The following DNMT3B variants were observed in gnomAD, a reference collection of about 807,000 sequenced individuals.
The protein encoded by DNMT3B is DNA methyltransferase 3 beta, also known as DNA (cytosine-5)-methyltransferase 3B.
DNMT3B carries 37 observed loss-of-function variants against 120.2 expected under a neutral mutation model. The observed-to-expected ratio is 0.31, with a 90% CI of 0.24 to 0.40. DNMT3B has a LOEUF of 0.40. Ranked by LOEUF, DNMT3B falls within the 10% of genes least tolerant of loss-of-function variation. The probability of loss-of-function intolerance (pLI) is 1.00; values close to 1 mark genes in which losing one functional copy is unlikely to be tolerated. For missense variants in DNMT3B, 878 were observed against 1,137.3 expected (o/e 0.77, Z 3.28); for synonymous variants, 412 against 442.8 (o/e 0.93, Z 0.87).
rs1011850106 is a variant in DNMT3B, at chr20:32,798,758, G to C, written c.1674+115G>C. Reference sequence around the variant, plus strand: ...GTAAAGACACGTTGTACCTCTTGGAGCCTCAATGGCTGAGAGACCTGGCGA... The same window carrying C: ...GTAAAGACACGTTGTACCTCTTGGACCCTCAATGGCTGAGAGACCTGGCGA... On this transcript the variant is annotated intron_variant, in intron 15 of 22. Transcript: ENST00000328111. The C allele has an allele frequency of 6.9e-6, 10 of 1,449,984 alleles. No individual in the cohort carries two copies. The Middle Eastern group carries it at 1.4e-3, about 208-fold the overall frequency. 89.8% of individuals were successfully genotyped at this position (1,449,984 alleles called of 1,614,324 possible). A position where few individuals can be genotyped will look rare whatever the true frequency, so the allele number is the denominator to read the frequency against.
At chr20:32,797,824 T>C (rs973276214) in intron 14 of DNMT3B, among the ~76,000 whole-genome samples, 5 of 152,084 alleles carry the variant, frequency 3.3e-5, no homozygotes, top group African/African-American at 1.2e-4. Flanking sequence ...CACGCCCAGA[T>C]AATTTTTGTG....
At chr20:32,765,661 T>G (rs1258180257) in intron 1 of DNMT3B, among the ~76,000 whole-genome samples, 2 of 151,202 alleles carry the variant, frequency 1.3e-5, no homozygotes, top group African/African-American at 2.4e-5. Flanking sequence ...CCTCAAGTGA[T>G]TCACCCGCCT....
intron 1 of DNMT3B, among the ~76,000 whole-genome samples, chr20:32,770,272 C>T (rs145386696): frequency 3.3e-3 from 501 of 152,058 alleles, no homozygotes; most frequent in Non-Finnish European, 4.8e-3. Context: ...GCCACCTCAT[C>T]AGGCTAGTTT....
intron 1 of DNMT3B, among the ~76,000 whole-genome samples, chr20:32,773,940 T>G (rs1308112081): frequency 7.1e-6 from 1 of 141,748 alleles, no homozygotes; most frequent in Non-Finnish European, 1.5e-5. Flanking sequence ...AGTGGTTTTT[T>G]TTTTTTTTTT....
chr20:32,800,376 G>T, intron 17 of DNMT3B, 78 bp downstream of exon 17: 2 of 1,592,544 alleles, frequency 1.3e-6, no homozygotes, highest in South Asian at 2.2e-5. Flanking sequence ...AAACCCACAT[G>T]TAGGCCCCAT....
chr20:32,784,981 T>C, intron 4 of DNMT3B, 122 bp downstream of exon 4: 2 of 962,538 alleles, frequency 2.1e-6, no homozygotes, highest in Non-Finnish European at 3.2e-6. Context: ...TGAAAAAATG[T>C]TTTGAAACTA....
intron 15 of DNMT3B, 148 bp from the exon 16 acceptor site, chr20:32,799,096 C>T (rs1011201781): frequency 2.7e-5 from 23 of 840,608 alleles, no homozygotes; most frequent in Non-Finnish European, 2.0e-5. Context: ...CACTTGTCTC[C>T]CCAATCCCCA....
chr20:32,762,525 C>G lies in DNMT3B; in HGVS notation c.-181C>G. On this transcript the variant is annotated 5_prime_UTR_variant, in exon 1 of 23. Coordinates refer to ENST00000328111, the MANE Select transcript of DNMT3B (RefSeq NM_006892.4). The stretch of plus-strand genomic sequence containing the variant: ...CCCTGGCGGTCGGGCGAGCGGGCGG[C>G]AACGCTGCCCGGCCGGCAGCGCTGG... The G allele has an allele frequency of 3.1e-6, 1 of 318,250 alleles. No individual in the cohort carries two copies. The highest frequency in any genetic ancestry group is 2.4e-5 in the South Asian group (1 of 41,014). The allele number at this position is 318,250 out of a possible 1,614,324, so 19.7% of individuals were successfully genotyped here.
chr20:32,776,230 AAG>A (rs1328350635), intron 1 of DNMT3B, among the ~76,000 whole-genome samples: 4 of 99,970 alleles, frequency 4.0e-5, no homozygotes, highest in African/African-American at 6.4e-5. Context: ...ATCTTAAAAA[AAG>A]AAAAAAAAAA....
Position 32,793,560 on chromosome 20 carries a change from G to A in DNMT3B, c.1091G>A (p.Arg364His), listed in dbSNP as rs369336236. 91 of 1,614,072 alleles carry A rather than the reference G, an allele frequency of 5.6e-5. 1 individual carries two copies. The highest frequency in any genetic ancestry group is 6.6e-5 in the Non-Finnish European group (78 of 1,180,052). ...QPVVNKSKVR[R>H]AGSRKLESRK... The stretch of plus-strand genomic sequence containing the variant: ...GTGGTTAATAAGTCGAAGGTGCGTC[G>A]TGCAGGCAGTAGGAAATTAGAATCA... The change falls in exon 10 of 23, where the codon CGT (arginine) becomes CAT (histidine). Residue 364 changes from arginine (R) to histidine (H), a missense_variant. Arg to His is a conservative substitution (Grantham distance 29, BLOSUM62 0). This residue lies in a region of DNMT3B where 207 missense variants were observed against 222.6 expected (regional missense o/e 0.93). Coordinates refer to ENST00000328111, the MANE Select transcript of DNMT3B (RefSeq NM_006892.4).
rs538943345 is a variant in DNMT3B at position 32,781,145 on chromosome 20, C to T, written c.143-208C>T. On this transcript the variant is annotated intron_variant, in intron 2 of 22. Transcript: ENST00000328111. ...TTCAGTGTTGGTTTGGGTCCTGTCACGTGCCTGGCCCAGGGCTCTGTTGTC... is the reference window on the plus strand; with the variant it reads ...TTCAGTGTTGGTTTGGGTCCTGTCATGTGCCTGGCCCAGGGCTCTGTTGTC... Among the ~76,000 whole-genome samples, 35 of 152,298 alleles carry T rather than the reference C, an allele frequency of 2.3e-4. 1 individual carries two copies. Among genetic ancestry groups the T allele is most frequent in the Admixed American group, 3.9e-4 (6 of 15,294 alleles).
At chr20:32,772,193 G>A (rs1478334941) in intron 1 of DNMT3B, among the ~76,000 whole-genome samples, 2 of 152,170 alleles carry the variant, frequency 1.3e-5, no homozygotes, top group African/African-American at 4.8e-5. Flanking sequence ...AGGCCTTGGC[G>A]AGAGCTTTGA....
intron 14 of DNMT3B, 55 bp from the exon 15 acceptor site, chr20:32,798,405 G>A (rs1980899840): frequency 1.9e-6 from 3 of 1,608,194 alleles, no homozygotes; most frequent in South Asian, 1.1e-5. Flanking sequence ...GTAAGGGGGT[G>A]GCACAGGAGA....
chr20:32,792,699 T>C lies in DNMT3B; in HGVS notation c.995T>C (p.Met332Thr). Reference sequence around the variant, plus strand: ...TCATTGGAGGACCAGCTGAAGCCCATGTTGGAGTGGGCCCACGGGGGCTTC... The same window carrying C: ...TCATTGGAGGACCAGCTGAAGCCCACGTTGGAGTGGGCCCACGGGGGCTTC... Reference protein sequence around the residue: ...GDSLEDQLKPMLEWAHGGFKP... With the variant: ...GDSLEDQLKPTLEWAHGGFKP... Residue 332 changes from methionine (M) to threonine (T), a missense_variant, in exon 9 of 23, where the codon ATG becomes ACG. Transcript: ENST00000328111. 3 of 1,614,206 alleles carry C rather than the reference T, an allele frequency of 1.9e-6. No homozygotes were observed. The South Asian group carries it at 3.3e-5, about 18-fold the overall frequency.
chr20:32,807,985 C>A lies in DNMT3B; in HGVS notation c.*82C>A, dbSNP rs1982153889. Reference sequence around the variant, plus strand: ...GTGATTCCTGAAGGCATCCCCAGGCCCTGCTCTTCCTCAGCTGTGTGGGTC... The same window carrying A: ...GTGATTCCTGAAGGCATCCCCAGGCACTGCTCTTCCTCAGCTGTGTGGGTC... On this transcript the variant is annotated 3_prime_UTR_variant, in exon 23 of 23. Transcript: ENST00000328111. 6.2e-7 allele frequency: 1 copy of A among 1,608,830 alleles called. No individual in the cohort carries two copies. Among genetic ancestry groups the A allele is most frequent in the South Asian group, 1.1e-5 (1 of 90,710 alleles).
chr20:32,788,079 C>A (rs1022670648), intron 6 of DNMT3B, among the ~76,000 whole-genome samples: 1 of 152,130 alleles, frequency 6.6e-6, no homozygotes, highest in African/African-American at 2.4e-5. Flanking sequence ...TAAGGTGGGG[C>A]AGGGCATATT....
At position 32,800,889 on chromosome 20, in the gene DNMT3B, C is replaced by T; in HGVS notation, c.1960C>T (p.Leu654Phe). Residue 654 changes from leucine (L) to phenylalanine (F), a missense_variant, in exon 18 of 23, where the codon CTC (leucine) becomes TTC (phenylalanine). Transcript: ENST00000328111. The part of the protein sequence containing the change: ...LVIGGSPCND[L>F]SNVNPARKGL... ...GATTGGCGGAAGCCCATGCAACGAT[C>T]TCTCAAATGTGAATCCAGCCAGGAA... 6.2e-7 allele frequency: 1 copy of T among 1,614,230 alleles called. No individual in the cohort carries two copies. Among genetic ancestry groups the T allele is most frequent in the Non-Finnish European group, 8.5e-7 (1 of 1,180,044 alleles).
intron 1 of DNMT3B, among the ~76,000 whole-genome samples, chr20:32,774,635 G>A (rs772391562): frequency 6.6e-6 from 1 of 150,642 alleles, no homozygotes; most frequent in Non-Finnish European, 1.5e-5. Flanking sequence ...CGTTGTACCT[G>A]ATAGGTGATT....
intron 10 of DNMT3B, among the ~76,000 whole-genome samples, chr20:32,794,342 C>CA (rs140316951): frequency 0.012 from 974 of 78,348 alleles, 5 homozygotes; most frequent in Non-Finnish European, 0.015. Flanking sequence ...GAACCTGTCT[C>CA]AAAAAAAAAA....
Sources: gnomAD v4.1 joint callset for allele counts (sites outside exome capture counted in the v4.1 genomes callset) on GRCh38, gnomAD v4.1.1 for gene constraint, gnomAD v4.1.1 regional missense constraint, MANE v1.5 for transcripts, NCBI Gene and HGNC (gene_info 2026-07-23, HGNC 2026-07-21) for gene names.